NAALAD2: variants seen among roughly 807,000 people sequenced by gnomAD.
NAALAD2 encodes the protein N-acetylated-alpha-linked acidic dipeptidase 2.
NAALAD2 carries 89 observed loss-of-function variants against 95.6 expected under a neutral mutation model. The ratio of observed to expected loss-of-function variants is 0.93; its 90% CI spans 0.78 to 1.11. The LOEUF (loss-of-function observed/expected upper bound fraction) is 1.11. Among genes scored for constraint, NAALAD2 ranks in the 50% least tolerant of loss-of-function variants. The pLI is 0.00. For synonymous variants in NAALAD2, 264 were observed against 294.4 expected (o/e 0.90, Z 1.06); for missense variants, 894 against 872.4 (o/e 1.02, Z -0.31).
upstream of NAALAD2, chr11:90,134,648 C>A: frequency 9.6e-7 from 1 of 1,039,978 alleles, no homozygotes; most frequent in Non-Finnish European, 1.5e-6. Flanking sequence ...TTGCGAAGGT[C>A]AGCGGAGGCC....
At chr11:90,131,921 T>C (rs969687228), upstream of NAALAD2, 7 of 152,198 alleles carry the variant, frequency 4.6e-5, no homozygotes, top group African/African-American at 1.7e-4. Flanking sequence ...TTTTATATAC[T>C]ATTAGCTTTG....
chr11:90,168,792 G>A (rs1261427024), intron 11 of NAALAD2, 137 bp from the exon 12 acceptor site: 2 of 648,834 alleles, frequency 3.1e-6, no homozygotes, highest in African/African-American at 1.9e-5. Context: ...TCAGAAATTA[G>A]GGTCACAGAT....
chr11:90,161,290 T>G (rs1276978566), intron 8 of NAALAD2, among the ~76,000 whole-genome samples: 1 of 151,716 alleles, frequency 6.6e-6, no homozygotes, highest in Non-Finnish European at 1.5e-5. Context: ...ATTTGAATTA[T>G]TTGCATTACT....
chr11:90,133,409 A>G (rs7109692), upstream of NAALAD2, among the ~76,000 whole-genome samples: 67,946 of 151,598 alleles, frequency 0.45, 16,157 homozygotes, highest in African/African-American at 0.61. Context: ...AATGACAGGG[A>G]CCATTGCTAA....
chr11:90,181,354 T>A (rs749148056), intron 16 of NAALAD2, among the ~76,000 whole-genome samples: 112 of 152,254 alleles, frequency 7.4e-4, no homozygotes, highest in Non-Finnish European at 1.0e-3. Flanking sequence ...GAATTCTGGG[T>A]TTCTGGTAAA....
At chr11:90,177,775 A>T in intron 15 of NAALAD2, 78 bp from the exon 16 acceptor site, 1 of 1,370,864 alleles carries the variant, frequency 7.3e-7, no homozygotes, top group Admixed American at 2.2e-5. Context: ...TTCTATAGTT[A>T]TTTTTATGCT....
At chr11:90,158,441 C>T (rs1952187370) in intron 7 of NAALAD2, 1 of 479,260 alleles carries the variant, frequency 2.1e-6, no homozygotes, top group Admixed American at 4.0e-5. Context: ...TAAAATATCG[C>T]TCTGTTCGCT....
intron 2 of NAALAD2, among the ~76,000 whole-genome samples, chr11:90,145,393 C>T (rs1951726097): frequency 1.3e-5 from 2 of 152,094 alleles, no homozygotes; most frequent in Non-Finnish European, 2.9e-5. Context: ...CTAATCCTCC[C>T]TCCTAATTTA....
At chr11:90,149,184 C>A in intron 4 of NAALAD2, 77 bp downstream of exon 4, 1 of 801,150 alleles carries the variant, frequency 1.2e-6, no homozygotes. Flanking sequence ...AGGACTAAAA[C>A]CAAGGAAATT....
At chr11:90,184,161 T>C (rs1367517688) in intron 18 of NAALAD2, among the ~76,000 whole-genome samples, 1 of 152,174 alleles carries the variant, frequency 6.6e-6, no homozygotes, top group Admixed American at 6.6e-5. Context: ...TAAAGGCTAT[T>C]TATCATCAAA....
intron 11 of NAALAD2, among the ~76,000 whole-genome samples, chr11:90,168,125 C>G (rs1261324939): frequency 6.6e-6 from 1 of 151,510 alleles, no homozygotes; most frequent in Non-Finnish European, 1.5e-5. Context: ...TACGAACCCA[C>G]CAGGAGGAAG....
rs774754008 is a variant in NAALAD2 at position 90,149,324 on chromosome 11, A to G, written c.483+217A>G. On this transcript the variant is annotated intron_variant, in intron 4 of 18. Transcript: ENST00000534061. ...GAGAAAAAAGAAACAAAACAAATAC[A>G]TTAAAAACTGACCCTGCTGAAGCAG... 1.3e-5 allele frequency among the ~76,000 whole-genome samples: 2 copies of G among 152,250 alleles called. 1 individual carries two copies. Among genetic ancestry groups the G allele is most frequent in the South Asian group, 4.1e-4 (2 of 4,830 alleles).
chr11:90,191,103 CTTCT>C (rs1591038145), intron 18 of NAALAD2, among the ~76,000 whole-genome samples: 1 of 152,048 alleles, frequency 6.6e-6, no homozygotes, highest in Admixed American at 6.6e-5. Flanking sequence ...GAAATACAGG[CTTCT>C]TTAATTACTT....
intron 11 of NAALAD2, among the ~76,000 whole-genome samples, chr11:90,167,349 C>T (rs1274497144): frequency 6.6e-6 from 1 of 152,300 alleles, no homozygotes; most frequent in East Asian, 1.9e-4. Context: ...CTGTTGTGCT[C>T]GATTTCTCGC....
chr11:90,169,633 C>G lies in NAALAD2; in HGVS notation c.1343-436C>G, dbSNP rs150855603. ...TCAGAAAATGAAGAGATTCGTGTCTCTAGGCTTTCATTGCATTGTGATTAT... is the reference window on the plus strand; with the variant it reads ...TCAGAAAATGAAGAGATTCGTGTCTGTAGGCTTTCATTGCATTGTGATTAT... On this transcript the variant is annotated intron_variant, in intron 12 of 18. Coordinates refer to ENST00000534061, the MANE Select transcript of NAALAD2 (RefSeq NM_005467.4). 1.4e-3 allele frequency: 227 copies of G among 163,872 alleles called. 1 individual carries two copies. The highest frequency in any genetic ancestry group is 5.0e-3 in the African/African-American group (209 of 41,642). 10.2% of individuals were successfully genotyped at this position (163,872 alleles called of 1,614,324 possible).
At position 90,178,124 on chromosome 11, in the gene NAALAD2, A is replaced by T; in HGVS notation, c.1858+7A>T. Reference sequence around the variant, plus strand: ...GACCATGGAGTATCATTTGGTAAGAAATAGTTGGGCAGATATTTTACAGTC... The same window carrying T: ...GACCATGGAGTATCATTTGGTAAGATATAGTTGGGCAGATATTTTACAGTC... On this transcript the variant is annotated splice_region_variant and intron_variant, in intron 16 of 18. Transcript: ENST00000534061. The T allele has an allele frequency of 6.2e-7, 1 of 1,603,120 alleles. No individual in the cohort carries two copies. Among genetic ancestry groups the T allele is most frequent in the Non-Finnish European group, 8.5e-7 (1 of 1,176,148 alleles).
At chr11:90,163,647 T>G in intron 11 of NAALAD2, 30 bp downstream of exon 11, 2 of 1,601,206 alleles carry the variant, frequency 1.2e-6, no homozygotes, top group Non-Finnish European at 1.7e-6. Context: ...TTCTTATTAT[T>G]TTTTTGGTCA....
intron 18 of NAALAD2, among the ~76,000 whole-genome samples, chr11:90,185,893 A>G (rs1054942840): frequency 7.8e-6 from 1 of 128,598 alleles, no homozygotes; most frequent in African/African-American, 3.1e-5. Flanking sequence ...TTAAAATTTT[A>G]TTTGTTTTCA....
intron 16 of NAALAD2, among the ~76,000 whole-genome samples, chr11:90,180,979 T>C (rs944548069): frequency 6.6e-6 from 1 of 152,052 alleles, no homozygotes; most frequent in South Asian, 2.1e-4. Context: ...AACAGGCAAA[T>C]ACTATGCCAT....
Sources: allele counts gnomAD v4.1 joint callset (sites outside exome capture counted in the v4.1 genomes callset), GRCh38; gene constraint gnomAD v4.1.1; transcripts MANE v1.5; gene names NCBI Gene and HGNC (gene_info 2026-07-23, HGNC 2026-07-21).